The following KIAA0825 variants were observed in gnomAD, a reference collection of about 807,000 sequenced individuals.
KIAA0825 encodes KIAA0825.
KIAA0825 carries 119 observed loss-of-function variants against 147.6 expected under a neutral mutation model. The observed-to-expected ratio is 0.81, with a 90% confidence interval of 0.69 to 0.94. KIAA0825 has a LOEUF of 0.94. Among genes scored for constraint, KIAA0825 ranks in the 40% least tolerant of loss-of-function variants. The pLI is 0.00. For synonymous variants in KIAA0825, 470 were observed against 518.1 expected (o/e 0.91, Z 1.26); for missense variants, 1,381 against 1,472.7 (o/e 0.94, Z 1.02).
intron 2 of KIAA0825, among the ~76,000 whole-genome samples, chr5:94,539,105 G>T (rs1297610524): frequency 2.0e-5 from 3 of 152,122 alleles, no homozygotes; most frequent in African/African-American, 7.2e-5. Flanking sequence ...AAAGAAGTCA[G>T]CCAAAACCCA....
intron 15 of KIAA0825, chr5:94,415,777 A>G (rs191381078): frequency 1.3e-5 from 2 of 152,330 alleles, no homozygotes; most frequent in Admixed American, 1.3e-4. Context: ...AGAGATGTCA[A>G]ATTAGGAGCA....
chr5:94,399,869 A>G (rs1304591337), intron 16 of KIAA0825, among the ~76,000 whole-genome samples: 1 of 152,140 alleles, frequency 6.6e-6, no homozygotes, highest in African/African-American at 2.4e-5. Context: ...GTCAAAATTA[A>G]TTTTTAAAAT....
intron 20 of KIAA0825, among the ~76,000 whole-genome samples, chr5:94,360,011 G>T (rs1029680743): frequency 6.6e-6 from 1 of 152,140 alleles, no homozygotes; most frequent in African/African-American, 2.4e-5. Context: ...TTCTGTTTGG[G>T]AGTTAAGTGC....
chr5:94,529,434 TC>T (rs1316254279), intron 3 of KIAA0825, among the ~76,000 whole-genome samples: 1 of 146,262 alleles, frequency 6.8e-6, no homozygotes, highest in African/African-American at 2.6e-5. Flanking sequence ...TATGTATATA[TC>T]ATATATGTAT....
chr5:94,395,413 T>C (rs1206909433), intron 17 of KIAA0825, among the ~76,000 whole-genome samples: 1 of 152,198 alleles, frequency 6.6e-6, no homozygotes, highest in Non-Finnish European at 1.5e-5. Flanking sequence ...GAGCTGGAAT[T>C]CCTTTATCAA....
intron 5 of KIAA0825, among the ~76,000 whole-genome samples, chr5:94,488,929 T>C (rs547302416): frequency 6.6e-6 from 1 of 152,300 alleles, no homozygotes; most frequent in South Asian, 2.1e-4. Flanking sequence ...AACACCAGTT[T>C]ATCAACACAG....
intron 2 of KIAA0825, among the ~76,000 whole-genome samples, chr5:94,575,658 C>T (rs919276915): frequency 6.6e-6 from 1 of 152,152 alleles, no homozygotes; most frequent in African/African-American, 2.4e-5. Flanking sequence ...GGAAGAAGAC[C>T]AATTATGACA....
At position 94,462,551 on chromosome 5, in the gene KIAA0825, A is replaced by G; in HGVS notation, c.2082T>C (p.Ile694=). ...ATAACATGTTCTCAGTGCATATCAA[A>G]ATTGTTGTGACATCAAGTCTGTTGG... ...TPQLRLDVTT[I]LICTENMLWS... The change falls in exon 12 of 21, where the codon ATT becomes ATC. Residue 694 remains isoleucine (I), a synonymous_variant. Transcript: ENST00000682413. 6.6e-7 allele frequency: 1 copy of G among 1,505,346 alleles called. No homozygotes were observed. The highest frequency in any genetic ancestry group is 8.9e-7 in the Non-Finnish European group (1 of 1,127,740). 93.2% of individuals were successfully genotyped at this position (1,505,346 alleles called of 1,614,324 possible). A position where few individuals can be genotyped will look rare whatever the true frequency, so the allele number is the denominator to read the frequency against.
In KIAA0825 at chr5:94,152,842, AAAAAAAAAAAAAAT is replaced by A. The variant is rs1766612706; in HGVS notation, c.*1151_*1164del. ...AAATGAAAAAAAAAAAAAAAAAAAAAAAAAAAAAAAAAATTATATATATATATATATATATATAT... is the reference window on the plus strand; with the variant it reads ...AAATGAAAAAAAAAAAAAAAAAAAAATATATATATATATATATATATATAT... On this transcript the variant is annotated 3_prime_UTR_variant, in exon 21 of 21. Coordinates refer to ENST00000682413, the MANE Select transcript of KIAA0825 (RefSeq NM_001145678.3). 2.3e-4 allele frequency: 8 copies of A among 35,258 alleles called. No individual in the cohort carries two copies. Among genetic ancestry groups the A allele is most frequent in the Non-Finnish European group, 3.9e-4 (7 of 17,882 alleles). 2.2% of individuals were successfully genotyped at this position (35,258 alleles called of 1,614,324 possible).
At chr5:94,352,904 A>G (rs1296073144) in intron 20 of KIAA0825, among the ~76,000 whole-genome samples, 8 of 146,162 alleles carry the variant, frequency 5.5e-5, no homozygotes, top group Non-Finnish European at 1.1e-4. Context: ...GAATGATGCA[A>G]TGGACTTTGG....
chr5:94,590,900 C>T lies in KIAA0825; in HGVS notation c.-152-8317G>A, dbSNP rs533177160. 4.2e-4 allele frequency among the ~76,000 whole-genome samples: 64 copies of T among 152,088 alleles called. 1 individual carries two copies. In the South Asian group the frequency reaches 8.5e-3, roughly 20 times the overall value. On this transcript the variant is annotated intron_variant, in intron 1 of 20. Coordinates refer to ENST00000682413, the MANE Select transcript of KIAA0825 (RefSeq NM_001145678.3). ...AAACATTTCCATAATCTACTGCAAACAGCAATTATGAAAAAGGAGAGCAAT... is the reference window on the plus strand; with the variant it reads ...AAACATTTCCATAATCTACTGCAAATAGCAATTATGAAAAAGGAGAGCAAT...
At chr5:94,291,987 C>T (rs924690351) in intron 20 of KIAA0825, among the ~76,000 whole-genome samples, 1 of 152,156 alleles carries the variant, frequency 6.6e-6, no homozygotes, top group Admixed American at 6.5e-5. Flanking sequence ...GCTGAAGTTG[C>T]TTATCAGCTT....
At chr5:94,562,622 G>A (rs2152295259) in intron 2 of KIAA0825, among the ~76,000 whole-genome samples, 1 of 152,334 alleles carries the variant, frequency 6.6e-6, no homozygotes, top group African/African-American at 2.4e-5. Flanking sequence ...AAGCTGTCCA[G>A]CTGGACAAAT....
chr5:94,590,220 C>T (rs1342974383), intron 1 of KIAA0825, among the ~76,000 whole-genome samples: 1 of 152,104 alleles, frequency 6.6e-6, no homozygotes, highest in Non-Finnish European at 1.5e-5. Flanking sequence ...GTCTCGAACT[C>T]CCAACCTCAA....
At position 94,477,115 on chromosome 5, in the gene KIAA0825, T is replaced by C. The variant is rs1761982326; in HGVS notation, c.1223A>G (p.Lys408Arg). ...NIPSEQSLPG[K>R]EATLLDFGWR... ...ACTTCTTTTTCCTTCACTTACCTCT[T>C]TTCCTGGTAGTGATTGCTCGGAAGG... The change falls in exon 7 of 21, where the codon AAA becomes AGA. Residue 408 changes from lysine to arginine, a missense_variant. Physicochemically the swap from Lys to Arg is conservative, Grantham distance 26 (BLOSUM62 2). Transcript: ENST00000682413. 6.5e-7 allele frequency: 1 copy of C among 1,549,810 alleles called. No homozygotes were observed. Among genetic ancestry groups the C allele is most frequent in the African/African-American group, 1.4e-5 (1 of 73,000 alleles).
chr5:94,433,513 T>A (rs1247195756), intron 14 of KIAA0825, among the ~76,000 whole-genome samples: 1 of 152,228 alleles, frequency 6.6e-6, no homozygotes, highest in Non-Finnish European at 1.5e-5. Flanking sequence ...AATATTGCTA[T>A]TTGGTAAATG....
At chr5:94,287,674 G>A (rs1001511136) in intron 20 of KIAA0825, among the ~76,000 whole-genome samples, 1 of 152,080 alleles carries the variant, frequency 6.6e-6, no homozygotes, top group Non-Finnish European at 1.5e-5. Context: ...ATTACATTAA[G>A]GACAACCTGC....
At chr5:94,591,689 C>G (rs1274586912) in intron 1 of KIAA0825, among the ~76,000 whole-genome samples, 1 of 152,148 alleles carries the variant, frequency 6.6e-6, no homozygotes, top group Non-Finnish European at 1.5e-5. Flanking sequence ...TGGTTTTTCA[C>G]ATTAGAGACT....
chr5:94,477,343 C>T, intron 6 of KIAA0825, 138 bp from the exon 7 acceptor site: 1 of 512,212 alleles, frequency 2.0e-6, no homozygotes, highest in East Asian at 2.9e-5. Flanking sequence ...TACACATCCA[C>T]AAATAACAAT....
Sources: gnomAD v4.1 joint callset for allele counts (sites outside exome capture counted in the v4.1 genomes callset) on GRCh38, gnomAD v4.1.1 for gene constraint, MANE v1.5 for transcripts, NCBI Gene and HGNC (gene_info 2026-07-23, HGNC 2026-07-21) for gene names.